The following ADAMTS17 variants were observed in gnomAD, a reference collection of about 807,000 sequenced individuals.
ADAMTS17 encodes the protein A disintegrin and metalloproteinase with thrombospondin motifs 17.
Under a neutral mutation model 141.5 loss-of-function variants are expected in ADAMTS17, and 113 were observed. The observed-to-expected ratio is 0.80, with a 90% CI of 0.69 to 0.93. ADAMTS17 has a LOEUF of 0.93. ADAMTS17 is among the 40% of genes least tolerant of loss of function. The probability of loss-of-function intolerance (pLI) is 0.00; values close to 1 mark genes in which losing one functional copy is unlikely to be tolerated. For missense variants in ADAMTS17, 1,659 were observed against 1,517.9 expected, an observed-to-expected ratio of 1.09 and a Z score of -1.54; for synonymous variants, 768 against 630.6, an observed-to-expected ratio of 1.22 and a Z score of -3.27.
chr15:100,152,082 C>T (rs562615585), intron 10 of ADAMTS17, among the ~76,000 whole-genome samples: 1 of 152,350 alleles, frequency 6.6e-6, no homozygotes, highest in East Asian at 1.9e-4. Flanking sequence ...TAGTACCAAA[C>T]ACTTAGGCAT....
At chr15:100,021,450 T>C (rs1244815029) in intron 18 of ADAMTS17, among the ~76,000 whole-genome samples, 1 of 152,174 alleles carries the variant, frequency 6.6e-6, no homozygotes, top group Non-Finnish European at 1.5e-5. Context: ...TAGGGTGCCA[T>C]AACAGTCTCC....
At chr15:100,171,374 G>A (rs903677555) in intron 8 of ADAMTS17, among the ~76,000 whole-genome samples, 2 of 152,146 alleles carry the variant, frequency 1.3e-5, no homozygotes, top group South Asian at 2.1e-4. Context: ...GGAGGCTGGG[G>A]TGGGAGCAGG....
intron 15 of ADAMTS17, among the ~76,000 whole-genome samples, chr15:100,085,994 C>A (rs1186560086): frequency 6.6e-6 from 1 of 150,704 alleles, no homozygotes; most frequent in East Asian, 2.0e-4. Flanking sequence ...TCACATATAA[C>A]AATATTAACC....
At chr15:100,120,152 C>T (rs1013854765) in intron 12 of ADAMTS17, among the ~76,000 whole-genome samples, 1 of 152,154 alleles carries the variant, frequency 6.6e-6, no homozygotes, top group Non-Finnish European at 1.5e-5. Flanking sequence ...GGAGGAAGCA[C>T]CAGGAATCCA....
At chr15:100,031,021 C>T (rs1304206282) in intron 18 of ADAMTS17, among the ~76,000 whole-genome samples, 1 of 152,142 alleles carries the variant, frequency 6.6e-6, no homozygotes, top group Non-Finnish European at 1.5e-5. Context: ...AGTGCTGACT[C>T]GGGGTGAAGG....
intron 7 of ADAMTS17, 79 bp downstream of exon 7, chr15:100,254,057 C>A: frequency 7.2e-7 from 1 of 1,395,296 alleles, no homozygotes; most frequent in Non-Finnish European, 1.0e-6. Context: ...AGGACAGCTC[C>A]TCCACTGTGA....
At chr15:100,125,526 C>T (rs558072972) in intron 12 of ADAMTS17, among the ~76,000 whole-genome samples, 2 of 152,300 alleles carry the variant, frequency 1.3e-5, no homozygotes, top group East Asian at 1.9e-4. Flanking sequence ...CTGCACTCCA[C>T]TCTCCTGCCC....
chr15:99,975,445 G>A (rs1596127780), intron 21 of ADAMTS17, among the ~76,000 whole-genome samples: 1 of 152,220 alleles, frequency 6.6e-6, no homozygotes, highest in African/African-American at 2.4e-5. Context: ...CCTGACCTCA[G>A]GTGATCCACC....
Position 99,997,307 on chromosome 15 carries a change from C to T in ADAMTS17, c.2796+78G>A. 6.5e-7 allele frequency: 1 copy of T among 1,537,000 alleles called. No individual in the cohort carries two copies. Reference sequence around the variant, plus strand: ...CTGGGGGCGAGCGAGGGCTGGGAGGCACCAGAATGTCACCAATACCATGGC... The same window carrying T: ...CTGGGGGCGAGCGAGGGCTGGGAGGTACCAGAATGTCACCAATACCATGGC... On this transcript the variant is annotated intron_variant, in intron 19 of 21. Transcript: ENST00000268070. This position sits in a 1 kb window ranked among gnomAD's most constrained non-coding sequence, Gnocchi z 4.7.
intron 7 of ADAMTS17, among the ~76,000 whole-genome samples, chr15:100,225,786 C>T (rs1302434955): frequency 2.0e-5 from 3 of 149,416 alleles, no homozygotes; most frequent in Non-Finnish European, 3.0e-5. Flanking sequence ...GTCCTTACAG[C>T]AGTCACGGCC....
chr15:100,136,270 C>G (rs1444701827), intron 10 of ADAMTS17, among the ~76,000 whole-genome samples: 2 of 151,936 alleles, frequency 1.3e-5, no homozygotes, highest in Non-Finnish European at 2.9e-5. Flanking sequence ...CAATGTTGAA[C>G]CACAGTGTTG....
intron 3 of ADAMTS17, among the ~76,000 whole-genome samples, chr15:100,328,741 A>G (rs919443263): frequency 3.3e-5 from 5 of 152,152 alleles, no homozygotes; most frequent in African/African-American, 1.2e-4. Context: ...CATGTCAGTG[A>G]TCCTCAGTAT....
At chr15:100,183,508 AAATTTC>A (rs2040597888) in intron 8 of ADAMTS17, among the ~76,000 whole-genome samples, 1 of 152,162 alleles carries the variant, frequency 6.6e-6, no homozygotes, top group African/African-American at 2.4e-5. Flanking sequence ...TATTTCTGTA[AAATTTC>A]AATTTCTTTG....
intron 15 of ADAMTS17, among the ~76,000 whole-genome samples, chr15:100,068,823 A>C (rs895395848): frequency 7.2e-5 from 11 of 152,344 alleles, no homozygotes; most frequent in Admixed American, 1.3e-4. Flanking sequence ...GAAAAACTGG[A>C]AACTCTAAAA....
At chr15:100,056,722 G>A (rs1322194161) in intron 15 of ADAMTS17, among the ~76,000 whole-genome samples, 1 of 151,980 alleles carries the variant, frequency 6.6e-6, no homozygotes, top group East Asian at 1.9e-4. Context: ...GGGGACTTCT[G>A]CTTGAAGAAA....
At chr15:100,341,712 G>T in intron 1 of ADAMTS17, 109 bp downstream of exon 1, 2 of 1,361,156 alleles carry the variant, frequency 1.5e-6, no homozygotes, top group Non-Finnish European at 1.9e-6. Flanking sequence ...CCGCTCGGGC[G>T]CCGTCAGCGG....
chr15:100,218,832 A>G (rs2042045916), intron 7 of ADAMTS17, among the ~76,000 whole-genome samples: 1 of 152,234 alleles, frequency 6.6e-6, no homozygotes, highest in African/African-American at 2.4e-5. Flanking sequence ...TCAAATACGC[A>G]TCACTGAAAG....
chr15:100,196,377 G>T (rs1272178099), intron 8 of ADAMTS17, among the ~76,000 whole-genome samples: 1 of 152,248 alleles, frequency 6.6e-6, no homozygotes, highest in Non-Finnish European at 1.5e-5. Flanking sequence ...AAAATCATGT[G>T]AATCTGTGCA....
chr15:100,280,734 A>T (rs1020658341), intron 4 of ADAMTS17, among the ~76,000 whole-genome samples: 1 of 152,146 alleles, frequency 6.6e-6, no homozygotes, highest in Non-Finnish European at 1.5e-5. Flanking sequence ...AGTCAGCCTC[A>T]CCACCCATCC....
Sources: gnomAD v4.1 joint callset for allele counts (sites outside exome capture counted in the v4.1 genomes callset) on GRCh38, gnomAD v4.1.1 for gene constraint, Gnocchi (gnomAD v3.1) non-coding constraint, MANE v1.5 for transcripts, NCBI Gene and HGNC (gene_info 2026-07-23, HGNC 2026-07-21) for gene names.